The following PPP3CA variants were observed in gnomAD, a reference collection of about 807,000 sequenced individuals.
The protein encoded by PPP3CA is CAM-PRP catalytic subunit.
In PPP3CA, 14 loss-of-function variants were observed where a neutral mutation model predicts 66.5. The observed-to-expected ratio is 0.21, with a 90% CI of 0.14 to 0.33. The LOEUF is 0.33. Ranked by LOEUF, PPP3CA falls within the 10% of genes least tolerant of loss-of-function variation. The probability of loss-of-function intolerance (pLI) is 1.00; values close to 1 mark genes in which losing one functional copy is unlikely to be tolerated. For synonymous variants in PPP3CA, 232 were observed against 226.2 expected, an observed-to-expected ratio of 1.03 and a Z score of -0.23; for missense variants, 317 against 639.5, an observed-to-expected ratio of 0.50 and a Z score of 5.44.
intron 2 of PPP3CA, among the ~76,000 whole-genome samples, chr4:101,193,368 T>G (rs148836073): frequency 6.6e-6 from 1 of 152,060 alleles, no homozygotes; most frequent in Non-Finnish European, 1.5e-5. Flanking sequence ...GGGAAAAAAA[T>G]GTCAAAGAGG....
intron 1 of PPP3CA, among the ~76,000 whole-genome samples, chr4:101,198,895 G>A (rs1016367631): frequency 5.9e-5 from 9 of 152,072 alleles, no homozygotes; most frequent in South Asian, 4.1e-4. Flanking sequence ...AAACAGGGGG[G>A]ACAAAGGAAA....
intron 1 of PPP3CA, among the ~76,000 whole-genome samples, chr4:101,298,858 TG>T (rs1728278812): frequency 2.1e-5 from 2 of 96,406 alleles, no homozygotes; most frequent in Admixed American, 1.5e-4. Context: ...TGTGTGTGTG[TG>T]TGTGTGTGTG....
At chr4:101,265,886 A>G (rs1727154116) in intron 1 of PPP3CA, among the ~76,000 whole-genome samples, 1 of 152,152 alleles carries the variant, frequency 6.6e-6, no homozygotes, top group Admixed American at 6.5e-5. Context: ...AAAGCAACAT[A>G]AACGTCTTTA....
chr4:101,091,040 T>C (rs1160000091), intron 6 of PPP3CA, among the ~76,000 whole-genome samples: 1 of 152,066 alleles, frequency 6.6e-6, no homozygotes, highest in Non-Finnish European at 1.5e-5. Context: ...TTCAGTATTA[T>C]ATAAGTTCAG....
intron 2 of PPP3CA, among the ~76,000 whole-genome samples, chr4:101,156,285 C>A (rs1454469456): frequency 6.6e-6 from 1 of 152,036 alleles, no homozygotes; most frequent in African/African-American, 2.4e-5. Context: ...CCATGTGAAG[C>A]CCAGAAGGCA....
At chr4:101,271,520 A>T (rs755100880) in intron 1 of PPP3CA, among the ~76,000 whole-genome samples, 1 of 152,184 alleles carries the variant, frequency 6.6e-6, no homozygotes, top group Non-Finnish European at 1.5e-5. Flanking sequence ...TGGGTAAGCC[A>T]GTACAGTAAG....
At chr4:101,189,860 G>A (rs1351620064) in intron 2 of PPP3CA, among the ~76,000 whole-genome samples, 2 of 151,896 alleles carry the variant, frequency 1.3e-5, no homozygotes, top group East Asian at 3.9e-4. Flanking sequence ...TTTCACTCTG[G>A]ATCAGTGAAA....
At chr4:101,243,309 C>A (rs761276820) in intron 1 of PPP3CA, among the ~76,000 whole-genome samples, 3 of 152,230 alleles carry the variant, frequency 2.0e-5, no homozygotes, top group Non-Finnish European at 4.4e-5. Context: ...TATTTGTACA[C>A]CTAAGGATAT....
At chr4:101,097,073 T>C (rs1730228048) in intron 5 of PPP3CA, among the ~76,000 whole-genome samples, 1 of 152,136 alleles carries the variant, frequency 6.6e-6, no homozygotes, top group Admixed American at 6.5e-5. Context: ...TAAGTGAACC[T>C]ATAACTTAAG....
intron 1 of PPP3CA, among the ~76,000 whole-genome samples, chr4:101,281,443 G>A (rs1037834231): frequency 2.6e-5 from 4 of 152,184 alleles, no homozygotes; most frequent in African/African-American, 7.2e-5. Context: ...TCTTAAATAC[G>A]TAAGAGGGGG....
chr4:101,100,318 T>C (rs1187346760), intron 3 of PPP3CA, among the ~76,000 whole-genome samples: 1 of 152,096 alleles, frequency 6.6e-6, no homozygotes, highest in Non-Finnish European at 1.5e-5. Flanking sequence ...CCTCATTTTG[T>C]TGTACATTAT....
chr4:101,149,462 G>A (rs1004582542), intron 2 of PPP3CA, among the ~76,000 whole-genome samples: 2 of 152,078 alleles, frequency 1.3e-5, no homozygotes, highest in Non-Finnish European at 2.9e-5. Flanking sequence ...CCCAGGAAAA[G>A]GTGAAAGTCA....
At chr4:101,328,861 T>C (rs556892822) in intron 1 of PPP3CA, among the ~76,000 whole-genome samples, 1 of 152,238 alleles carries the variant, frequency 6.6e-6, no homozygotes, top group Admixed American at 6.5e-5. Flanking sequence ...AGACAACAAA[T>C]TTAACAAATA....
chr4:101,321,552 T>C (rs1007526948), intron 1 of PPP3CA, among the ~76,000 whole-genome samples: 1 of 152,200 alleles, frequency 6.6e-6, no homozygotes, highest in Non-Finnish European at 1.5e-5. Flanking sequence ...ATTTTTGTTT[T>C]TATTTTTTCC....
At chr4:101,219,736 GGA>G (rs2110212570) in intron 1 of PPP3CA, among the ~76,000 whole-genome samples, 1 of 151,774 alleles carries the variant, frequency 6.6e-6, no homozygotes, top group Non-Finnish European at 1.5e-5. Context: ...TGTCATCTTG[GGA>G]GAGGCTGGTT....
rs1015230328 is a variant in PPP3CA, at chr4:101,303,377, A to G, written c.58+43362T>C. 3.3e-5 allele frequency among the ~76,000 whole-genome samples: 5 copies of G among 152,180 alleles called. No homozygotes were observed. The East Asian group carries it at 7.7e-4, about 23-fold the overall frequency. On this transcript the variant is annotated intron_variant, in intron 1 of 13. Coordinates refer to ENST00000394854, the MANE Select transcript of PPP3CA (RefSeq NM_000944.5). Reference sequence around the variant, plus strand: ...TACAAGTACACAAAAATATACAAACATATGCATTTTTGTATTTTTTTCAGC... The same window carrying G: ...TACAAGTACACAAAAATATACAAACGTATGCATTTTTGTATTTTTTTCAGC...
At chr4:101,092,349 T>C (rs926145224) in intron 6 of PPP3CA, among the ~76,000 whole-genome samples, 1 of 151,980 alleles carries the variant, frequency 6.6e-6, no homozygotes, top group Non-Finnish European at 1.5e-5. Flanking sequence ...CTGATCTGAG[T>C]TACAGAAACT....
intron 13 of PPP3CA, among the ~76,000 whole-genome samples, chr4:101,028,378 C>T (rs981067683): frequency 7.9e-5 from 12 of 152,044 alleles, no homozygotes; most frequent in Admixed American, 1.3e-4. Context: ...ACTAAAGGTT[C>T]GACTCTACTG....
intron 1 of PPP3CA, among the ~76,000 whole-genome samples, chr4:101,244,631 A>G (rs1726418522): frequency 6.6e-6 from 1 of 152,186 alleles, no homozygotes; most frequent in South Asian, 2.1e-4. Flanking sequence ...ACACAAACAC[A>G]CTAAATCAAC....
Sources: allele counts gnomAD v4.1 joint callset (sites outside exome capture counted in the v4.1 genomes callset), GRCh38; gene constraint gnomAD v4.1.1; transcripts MANE v1.5; gene names NCBI Gene and HGNC (gene_info 2026-07-23, HGNC 2026-07-21).